The following SCARB1 variants were observed in gnomAD, a reference collection of about 807,000 sequenced individuals.
SCARB1 encodes scavenger receptor class B member 1, also known as CD36 and LIMPII analogous 1.
Under a neutral mutation model 57.2 loss-of-function variants are expected in SCARB1, and 30 were observed. That is an observed-to-expected ratio of 0.52 (90% CI 0.39 to 0.71). The LOEUF is 0.71. SCARB1 is among the 30% of genes least tolerant of loss of function. The pLI is 0.00. For missense variants in SCARB1, 543 were observed against 671.2 expected (o/e 0.81, Z 2.11); for synonymous variants, 249 against 268.3 (o/e 0.93, Z 0.70).
At chr12:124,820,694 T>TC (rs1412799916) in intron 1 of SCARB1, among the ~76,000 whole-genome samples, 1 of 151,906 alleles carries the variant, frequency 6.6e-6, no homozygotes, top group East Asian at 1.9e-4. Flanking sequence ...CTGCTGGTGC[T>TC]CCCCCCATAG....
chr12:124,831,319 C>T (rs772108129), intron 1 of SCARB1, among the ~76,000 whole-genome samples: 31 of 151,816 alleles, frequency 2.0e-4, no homozygotes, highest in Non-Finnish European at 3.8e-4. Context: ...TTTACCATGT[C>T]GGCCAGGCTG....
At chr12:124,843,346 C>A (rs892604634) in intron 1 of SCARB1, among the ~76,000 whole-genome samples, 1 of 151,176 alleles carries the variant, frequency 6.6e-6, no homozygotes, top group Non-Finnish European at 1.5e-5. Context: ...TGGCCTCAGG[C>A]GATCCTCCCA....
chr12:124,795,252 A>G lies in SCARB1; in HGVS notation c.1145T>C (p.Met382Thr), dbSNP rs749414661. The G allele has an allele frequency of 6.8e-6, 11 of 1,613,970 alleles. No individual in the cohort carries two copies. Among genetic ancestry groups the G allele is most frequent in the Non-Finnish European group, 9.3e-6 (11 of 1,179,872 alleles). The change falls in exon 9 of 13, where the codon ATG becomes ACG. Residue 382 changes from methionine (M) to threonine (T), a missense_variant. Physicochemically the swap from Met to Thr is moderately conservative, Grantham distance 81. Transcript: ENST00000261693. Reference sequence around the variant, plus strand: ...CAGCTGCAGTTTCACAGAGCAGTTCATGGGGATTCCCGTGACCTGCGGCAA... The same window carrying G: ...CAGCTGCAGTTTCACAGAGCAGTTCGTGGGGATTCCCGTGACCTGCGGCAA... ...LDIHPVTGIP[M>T]NCSVKLQLSL...
At chr12:124,821,159 G>C (rs897849888) in intron 1 of SCARB1, among the ~76,000 whole-genome samples, 1 of 151,942 alleles carries the variant, frequency 6.6e-6, no homozygotes, top group Non-Finnish European at 1.5e-5. Context: ...GATGACTTGA[G>C]CCCAGGAAGC....
chr12:124,835,840 C>A (rs995812610), intron 1 of SCARB1, among the ~76,000 whole-genome samples: 1 of 152,226 alleles, frequency 6.6e-6, no homozygotes, highest in East Asian at 1.9e-4. Flanking sequence ...AGCTCTGGGC[C>A]TGCATGCCAC....
At chr12:124,828,067 C>T (rs1450757911) in intron 1 of SCARB1, among the ~76,000 whole-genome samples, 3 of 152,062 alleles carry the variant, frequency 2.0e-5, no homozygotes, top group Non-Finnish European at 2.9e-5. Flanking sequence ...AAATGTCTAG[C>T]GGGTGGTAAC....
chr12:124,818,823 A>T (rs1950836170), intron 1 of SCARB1, among the ~76,000 whole-genome samples: 1 of 151,674 alleles, frequency 6.6e-6, no homozygotes, highest in South Asian at 2.1e-4. Context: ...TTTTTGTTTT[A>T]GTTTTTGTTT....
chr12:124,815,780 C>T (rs1285022048), intron 2 of SCARB1, among the ~76,000 whole-genome samples: 4 of 152,146 alleles, frequency 2.6e-5, no homozygotes, highest in East Asian at 3.9e-4. Context: ...GCAGGAGAAT[C>T]GCTTGAACCT....
intron 1 of SCARB1, among the ~76,000 whole-genome samples, chr12:124,819,534 AG>A (rs1950869453): frequency 1.3e-5 from 2 of 150,810 alleles, no homozygotes; most frequent in Admixed American, 1.3e-4. Context: ...TGTCACAGGG[AG>A]GTCCCCCCTA....
At chr12:124,827,910 C>A (rs1314739812) in intron 1 of SCARB1, among the ~76,000 whole-genome samples, 2 of 152,124 alleles carry the variant, frequency 1.3e-5, no homozygotes, top group African/African-American at 2.4e-5. Flanking sequence ...GGCCATAAAC[C>A]CACAAGGGCA....
rs1331904363 is a variant in SCARB1, at chr12:124,786,521, C to T, written c.1255-18G>A. 1 of 1,613,680 alleles carries T rather than the reference C, an allele frequency of 6.2e-7. No homozygotes were observed. The highest frequency in any genetic ancestry group is 8.5e-7 in the Non-Finnish European group (1 of 1,180,028). On this transcript the variant is annotated intron_variant, in intron 10 of 12. Coordinates refer to ENST00000261693, the MANE Select transcript of SCARB1 (RefSeq NM_005505.5). ...GCCCCGCTCTGAGGAGACAGAATGA[C>T]AAACACATGAGCTGGGGCCGCAGGC... is the stretch of plus-strand genomic sequence containing the variant.
At chr12:124,856,077 T>C (rs1009730285) in intron 1 of SCARB1, among the ~76,000 whole-genome samples, 4 of 152,236 alleles carry the variant, frequency 2.6e-5, no homozygotes, top group Non-Finnish European at 4.4e-5. Flanking sequence ...GTACCGGCCA[T>C]TCCGGGAAGG....
chr12:124,814,299 T>C lies in SCARB1; in HGVS notation c.533A>G (p.Glu178Gly). The change falls in exon 4 of 13, where the codon GAG becomes GGG. Residue 178 changes from glutamate (E) to glycine (G), a missense_variant. By Grantham distance (98) the Glu-to-Gly change is moderately conservative. Coordinates refer to ENST00000261693, the MANE Select transcript of SCARB1 (RefSeq NM_005505.5). This position sits in a 1 kb window ranked among gnomAD's most constrained non-coding sequence, Gnocchi z 4.7. ...GGGGTCCTTGTAGCCCCACATGATC[T>C]CACCCACAGTGCGGTTCATGAAGGC... The part of the protein sequence containing the change: ...ERAFMNRTVG[E>G]IMWGYKDPLV... 6.2e-7 allele frequency: 1 copy of C among 1,614,206 alleles called. No individual in the cohort carries two copies. Among genetic ancestry groups the C allele is most frequent in the Non-Finnish European group, 8.5e-7 (1 of 1,180,026 alleles).
At chr12:124,853,993 G>C (rs553272880) in intron 1 of SCARB1, among the ~76,000 whole-genome samples, 1 of 152,314 alleles carries the variant, frequency 6.6e-6, no homozygotes, top group African/African-American at 2.4e-5. Flanking sequence ...CGTTCCAGGG[G>C]CTTGGGTCAC....
At chr12:124,785,515 T>C (rs993193601) in intron 11 of SCARB1, 2 of 154,136 alleles carry the variant, frequency 1.3e-5, no homozygotes, top group African/African-American at 2.4e-5. Context: ...GCTCACTATC[T>C]ACCTCTTCAG....
intron 9 of SCARB1, among the ~76,000 whole-genome samples, chr12:124,793,618 A>G (rs973761624): frequency 4.7e-5 from 7 of 147,630 alleles, no homozygotes; most frequent in Admixed American, 1.4e-4. Flanking sequence ...GCGTGAACCC[A>G]GGAGGCGGAG....
intron 2 of SCARB1, among the ~76,000 whole-genome samples, chr12:124,816,736 C>T (rs1950732946): frequency 6.6e-6 from 1 of 152,078 alleles, no homozygotes; most frequent in African/African-American, 2.4e-5. Context: ...ACAGGCACAT[C>T]CGCCAGCCGT....
chr12:124,814,282 T>C lies in SCARB1; in HGVS notation c.550A>G (p.Lys184Glu), dbSNP rs1307192895. The part of the protein sequence containing the change: ...RTVGEIMWGY[K>E]DPLVNLINKY... ...TTGATGAGATTCACAAGGGGGTCCT[T>C]GTAGCCCCACATGATCTCACCCACA... The change falls in exon 4 of 13, where the codon AAG (lysine) becomes GAG (glutamate). Residue 184 changes from lysine to glutamate, a missense_variant. By Grantham distance (56) the Lys-to-Glu change is moderately conservative (BLOSUM62 1). Coordinates refer to ENST00000261693, the MANE Select transcript of SCARB1 (RefSeq NM_005505.5). The surrounding 1 kb of genome is among the most constrained non-coding windows in gnomAD (Gnocchi z 4.7). The C allele has an allele frequency of 2.5e-6, 4 of 1,614,230 alleles. No homozygotes were observed. The South Asian group carries it at 3.3e-5, about 13-fold the overall frequency.
At chr12:124,827,310 T>C (rs143118781) in intron 1 of SCARB1, among the ~76,000 whole-genome samples, 6,301 of 152,280 alleles carry the variant, frequency 0.041, 476 homozygotes, top group African/African-American at 0.14. Context: ...GGAACGTGAC[T>C]GGGGGCTACA....
Sources: gnomAD v4.1 joint callset for allele counts (sites outside exome capture counted in the v4.1 genomes callset) on GRCh38, gnomAD v4.1.1 for gene constraint, Gnocchi (gnomAD v3.1) non-coding constraint, MANE v1.5 for transcripts, NCBI Gene and HGNC (gene_info 2026-07-23, HGNC 2026-07-21) for gene names.